OCA2: variants seen among roughly 807,000 people sequenced by gnomAD.
The protein encoded by OCA2 is P protein.
OCA2 carries 77 observed loss-of-function variants against 100.2 expected under a neutral mutation model. The observed-to-expected ratio is 0.77, with a 90% CI of 0.64 to 0.93. The LOEUF is 0.93. Among genes scored for constraint, OCA2 ranks in the 40% least tolerant of loss-of-function variants. The pLI is 0.00. For missense variants in OCA2, 1,062 were observed against 1,089.1 expected, an observed-to-expected ratio of 0.98 and a Z score of 0.35; for synonymous variants, 432 against 439.2, an observed-to-expected ratio of 0.98 and a Z score of 0.21.
rs150020919 is a variant in OCA2, at chr15:27,985,126, G to A, written c.1302C>T (p.Ala434=). The change falls in exon 13 of 24, where the codon GCC becomes GCT. Residue 434 remains alanine (A), a synonymous_variant. Coordinates refer to ENST00000354638, the MANE Select transcript of OCA2 (RefSeq NM_000275.3). ...AMIIMLCLIA[A]VLSAFLDNVT... Reference sequence around the variant, plus strand: ...CGTTGTCCAAGAAGGCAGAGAGGACGGCCGCGATGAGACAGAGCATGATGA... The same window carrying A: ...CGTTGTCCAAGAAGGCAGAGAGGACAGCCGCGATGAGACAGAGCATGATGA... 5 of 1,613,934 alleles carry A rather than the reference G, an allele frequency of 3.1e-6. No homozygotes were observed. The highest frequency in any genetic ancestry group is 2.2e-5 in the East Asian group (1 of 44,900).
At chr15:28,038,059 T>C (rs1369455563) in intron 2 of OCA2, among the ~76,000 whole-genome samples, 2 of 152,182 alleles carry the variant, frequency 1.3e-5, no homozygotes, top group East Asian at 3.9e-4. Flanking sequence ...TCTCTTTCTG[T>C]ATCCCTATGT....
intron 2 of OCA2, among the ~76,000 whole-genome samples, chr15:28,058,284 G>A (rs532174481): frequency 6.6e-6 from 1 of 152,358 alleles, no homozygotes; most frequent in South Asian, 2.1e-4. Flanking sequence ...CGAAGGCCAG[G>A]AGCTGGGCCT....
At chr15:27,991,966 G>A (rs1426446779) in intron 9 of OCA2, among the ~76,000 whole-genome samples, 1 of 152,132 alleles carries the variant, frequency 6.6e-6, no homozygotes, top group African/African-American at 2.4e-5. Context: ...GTGATACTAG[G>A]TGTTGGCTTT....
intron 6 of OCA2, among the ~76,000 whole-genome samples, chr15:28,019,546 G>C (rs2042523510): frequency 6.6e-6 from 1 of 152,142 alleles, no homozygotes; most frequent in Non-Finnish European, 1.5e-5. Flanking sequence ...AGACACTGAG[G>C]TTCCGAAAGA....
At chr15:28,094,268 T>C (rs1328540163) in intron 1 of OCA2, among the ~76,000 whole-genome samples, 2 of 152,142 alleles carry the variant, frequency 1.3e-5, no homozygotes, top group Non-Finnish European at 2.9e-5. Flanking sequence ...AGCCCGTGGC[T>C]GCACTCTCAC....
chr15:27,903,308 G>A (rs2038036101), intron 19 of OCA2, among the ~76,000 whole-genome samples: 1 of 152,150 alleles, frequency 6.6e-6, no homozygotes, highest in South Asian at 2.1e-4. Context: ...CCGCCACGGC[G>A]GTGCTTCCGC....
In OCA2 at chr15:27,985,101, C is replaced by T. The variant is rs121918166; in HGVS notation, c.1327G>A (p.Val443Ile). 5.9e-3 allele frequency: 9,545 copies of T among 1,613,948 alleles called. 39 individuals carry two copies. Among genetic ancestry groups the T allele is most frequent in the Non-Finnish European group, 7.5e-3 (8,890 of 1,179,936 alleles). The stretch of plus-strand genomic sequence containing the variant: ...GGCGTGAAGAGGAGCATGGTGGTGA[C>T]GTTGTCCAAGAAGGCAGAGAGGACG... ...AAVLSAFLDN[V>I]TTMLLFTPVT... The change falls in exon 13 of 24, where the codon GTC (valine) becomes ATC (isoleucine). Residue 443 changes from valine to isoleucine, a missense_variant. Transcript: ENST00000354638.
At chr15:28,008,159 A>G (rs1240606864) in intron 9 of OCA2, among the ~76,000 whole-genome samples, 3 of 152,246 alleles carry the variant, frequency 2.0e-5, no homozygotes, top group Non-Finnish European at 2.9e-5. Flanking sequence ...CCCACGACAA[A>G]GCATGTAAAA....
At chr15:27,898,433 CAGG>C (rs1303647762) in intron 19 of OCA2, among the ~76,000 whole-genome samples, 6 of 152,166 alleles carry the variant, frequency 3.9e-5, no homozygotes, top group Non-Finnish European at 8.8e-5. Flanking sequence ...GTTGTAAAAA[CAGG>C]AGTTTTCCTG....
intron 18 of OCA2, among the ~76,000 whole-genome samples, chr15:27,934,017 T>C (rs2039359038): frequency 6.6e-6 from 1 of 152,190 alleles, no homozygotes; most frequent in Non-Finnish European, 1.5e-5. Flanking sequence ...TATGGATATA[T>C]ACATATCTAT....
intron 3 of OCA2, among the ~76,000 whole-genome samples, chr15:28,031,345 T>C (rs886400675): frequency 2.0e-5 from 3 of 152,194 alleles, no homozygotes; most frequent in East Asian, 1.9e-4. Context: ...ACAGTGACAA[T>C]GTCACCAAGT....
At chr15:27,826,351 CCACACACA>C (rs10535869) in intron 23 of OCA2, among the ~76,000 whole-genome samples, 2 of 149,856 alleles carry the variant, frequency 1.3e-5, no homozygotes, top group East Asian at 3.9e-4. Flanking sequence ...AAGGAACTTC[CCACACACA>C]CACACACACA....
At chr15:27,772,042 T>TG (rs1382938087) in intron 23 of OCA2, among the ~76,000 whole-genome samples, 1 of 152,172 alleles carries the variant, frequency 6.6e-6, no homozygotes, top group African/African-American at 2.4e-5. Context: ...AGGCCTGCCG[T>TG]GAACTCTGAG....
intron 23 of OCA2, among the ~76,000 whole-genome samples, chr15:27,800,731 G>A (rs540319794): frequency 1.3e-5 from 2 of 151,764 alleles, no homozygotes; most frequent in Non-Finnish European, 2.9e-5. Flanking sequence ...TTGGGAGGCC[G>A]AGGTGGACAG....
In OCA2 at chr15:27,992,871, G is replaced by A. The variant is rs191487112; in HGVS notation, c.1045-2224C>T. The stretch of plus-strand genomic sequence containing the variant: ...GGCACAGTGGCTCACACCTGTAATC[G>A]CAGCACTTTGGGAGGCCAAGGCAGG... On this transcript the variant is annotated intron_variant, in intron 9 of 23. Transcript: ENST00000354638. Among the ~76,000 whole-genome samples, 292 of 152,218 alleles carry A rather than the reference G, an allele frequency of 1.9e-3. 3 individuals are homozygous for A. The highest frequency in any genetic ancestry group is 6.8e-3 in the African/African-American group (281 of 41,542).
intron 23 of OCA2, among the ~76,000 whole-genome samples, chr15:27,820,884 ACATTTCAAGGGCTATAATATTTGT>A (rs1366473317): frequency 6.6e-6 from 1 of 152,142 alleles, no homozygotes; most frequent in East Asian, 1.9e-4. Flanking sequence ...CACCTACTAA[ACATTTCAAGGGCTATAATATTTGT>A]CATCAAGATG....
At chr15:27,719,192 G>T in the OCA2 span, among the ~76,000 whole-genome samples, 1 of 152,182 alleles carries the variant, frequency 6.6e-6, no homozygotes, top group Admixed American at 6.5e-5. Context: ...TCTTGAACAT[G>T]CTGGAAGTCC....
At chr15:27,984,269 G>A (rs1422349584) in intron 13 of OCA2, among the ~76,000 whole-genome samples, 9 of 152,012 alleles carry the variant, frequency 5.9e-5, no homozygotes, top group East Asian at 3.9e-4. Context: ...CCTACAACTC[G>A]CCCAGCGCAG....
At chr15:28,031,928 C>T in intron 3 of OCA2, 137 bp downstream of exon 3, 1 of 748,062 alleles carries the variant, frequency 1.3e-6, no homozygotes, top group African/African-American at 1.7e-5. Context: ...TCATGAACAT[C>T]TACTACAATA....
Sources: gnomAD v4.1 joint callset for allele counts (sites outside exome capture counted in the v4.1 genomes callset) on GRCh38, gnomAD v4.1.1 for gene constraint, MANE v1.5 for transcripts, NCBI Gene and HGNC (gene_info 2026-07-23, HGNC 2026-07-21) for gene names.